The following CCT6A variants were observed in gnomAD, a reference collection of about 807,000 sequenced individuals.
CCT6A encodes T-complex protein 1 subunit zeta.
CCT6A carries 6 observed loss-of-function variants against 58.6 expected under a neutral mutation model. That is an observed-to-expected ratio of 0.10 (90% CI 0.06 to 0.20). The LOEUF (loss-of-function observed/expected upper bound fraction) is 0.20. Ranked by LOEUF, CCT6A falls within the 10% of genes least tolerant of loss-of-function variation. The pLI, the probability that CCT6A is intolerant of heterozygous loss-of-function variation, is 1.00. For synonymous variants in CCT6A, 245 were observed against 227.8 expected (o/e 1.08, Z -0.68); for missense variants, 516 against 648.8 (o/e 0.80, Z 2.22).
At chr7:56,057,305 TA>T (rs963426677) in intron 5 of CCT6A, among the ~76,000 whole-genome samples, 2 of 152,142 alleles carry the variant, frequency 1.3e-5, no homozygotes, top group African/African-American at 4.8e-5. Context: ...TAGAGGAATT[TA>T]AAAAAATATT....
intron 5 of CCT6A, among the ~76,000 whole-genome samples, chr7:56,056,824 T>G (rs1794318702): frequency 2.0e-5 from 3 of 150,680 alleles, no homozygotes; most frequent in Non-Finnish European, 4.4e-5. Flanking sequence ...AGATGGAGTC[T>G]TGCTCTGTCG....
In CCT6A at chr7:56,063,862, G is replaced by C. The variant is rs1034243389; in HGVS notation, c.*777G>C. 2 of 183,770 alleles carry C rather than the reference G, an allele frequency of 1.1e-5. No individual in the cohort carries two copies. Among genetic ancestry groups the C allele is most frequent in the African/African-American group, 4.7e-5 (2 of 42,526 alleles). The allele number at this position is 183,770 out of a possible 1,614,324, so 11.4% of individuals were successfully genotyped here. The stretch of plus-strand genomic sequence containing the variant: ...TCTCACCCAAATTACGTTTCCACGA[G>C]ATTATTTATATATAGTTGGTCTATC... On this transcript the variant is annotated 3_prime_UTR_variant, in exon 14 of 14. Transcript: ENST00000275603.
At chr7:56,053,915 C>T (rs867997766) in intron 2 of CCT6A, among the ~76,000 whole-genome samples, 3 of 152,338 alleles carry the variant, frequency 2.0e-5, no homozygotes, top group South Asian at 4.1e-4. Flanking sequence ...TCAGAAGTCT[C>T]GTCCCATTGG....
chr7:56,052,043 C>A, intron 1 of CCT6A, 58 bp downstream of exon 1: 3 of 1,351,090 alleles, frequency 2.2e-6, no homozygotes, highest in Admixed American at 4.0e-5. Flanking sequence ...GCGCTCCTGG[C>A]GGGCCCGGGA....
intron 6 of CCT6A, 84 bp downstream of exon 6, chr7:56,058,187 T>C: frequency 1.0e-6 from 1 of 957,080 alleles, no homozygotes; most frequent in Non-Finnish European, 1.6e-6. Flanking sequence ...TGTTTCCCAC[T>C]GTAAGGACAA....
At chr7:56,058,729 A>G (rs1794367713) in intron 8 of CCT6A, 27 bp downstream of exon 8, 1 of 1,317,444 alleles carries the variant, frequency 7.6e-7, no homozygotes, top group African/African-American at 1.5e-5. Context: ...ACTTTTACTC[A>G]TTTTGCAAGT....
At chr7:56,060,784 T>C (rs758132612) in intron 10 of CCT6A, 23 bp from the exon 11 acceptor site, 9 of 1,591,050 alleles carry the variant, frequency 5.7e-6, no homozygotes, top group Non-Finnish European at 7.7e-6. Flanking sequence ...TCTTAGCATT[T>C]TTCCTTTTCC....
At position 56,051,995 on chromosome 7, in the gene CCT6A, G is replaced by C; in HGVS notation, c.137+10G>C. 6.7e-7 allele frequency: 1 copy of C among 1,496,738 alleles called. No individual in the cohort carries two copies. Among genetic ancestry groups the C allele is most frequent in the South Asian group, 1.3e-5 (1 of 79,072 alleles). 92.7% of individuals were successfully genotyped at this position (1,496,738 alleles called of 1,614,324 possible). A position where few individuals can be genotyped will look rare whatever the true frequency, so the allele number is the denominator to read the frequency against. On this transcript the variant is annotated intron_variant, in intron 1 of 13. Transcript: ENST00000275603. ...AGGGCACCATGAAGATGTAAGGCGG[G>C]GCTGAACCGGAGGGCCGGGCGGGCA...
intron 2 of CCT6A, among the ~76,000 whole-genome samples, chr7:56,053,892 T>C (rs1794246336): frequency 6.6e-6 from 1 of 152,234 alleles, no homozygotes; most frequent in South Asian, 2.1e-4. Flanking sequence ...GCTAATAAAT[T>C]GTTGCTACCA....
intron 2 of CCT6A, among the ~76,000 whole-genome samples, chr7:56,053,453 C>T (rs1348796210): frequency 1.3e-5 from 2 of 152,070 alleles, no homozygotes; most frequent in Non-Finnish European, 2.9e-5. Flanking sequence ...TTAAACTTGA[C>T]TTCAGAATTG....
chr7:56,061,661 CTTTTTTCTTTTTTTTT>C (rs1439529478), intron 11 of CCT6A, 70 bp from the exon 12 acceptor site: 7 of 591,592 alleles, frequency 1.2e-5, no homozygotes, highest in Non-Finnish European at 1.9e-5. Context: ...TTTTCTTTTT[CTTTTTTCTTTTTTTTT>C]TTTTTTTTTT....
intron 1 of CCT6A, 122 bp downstream of exon 1, chr7:56,052,107 C>T: frequency 3.4e-6 from 3 of 873,648 alleles, no homozygotes; most frequent in Non-Finnish European, 4.7e-6. Flanking sequence ...TCTCGGCGTC[C>T]TCCGGGGTCG....
intron 4 of CCT6A, 153 bp downstream of exon 4, chr7:56,055,950 G>A: frequency 1.7e-6 from 1 of 582,516 alleles, no homozygotes; most frequent in Non-Finnish European, 2.9e-6. Flanking sequence ...CTCTAAAAAT[G>A]AGGAAATTAA....
intron 5 of CCT6A, among the ~76,000 whole-genome samples, 200 bp downstream of exon 5, chr7:56,056,614 C>A (rs1047657650): frequency 2.0e-5 from 3 of 151,536 alleles, no homozygotes; most frequent in African/African-American, 7.3e-5. Flanking sequence ...CCCAGCTACT[C>A]GGGAGGCTGA....
At chr7:56,058,323 T>G (rs1386869785) in intron 6 of CCT6A, 39 bp from the exon 7 acceptor site, 12 of 1,465,182 alleles carry the variant, frequency 8.2e-6, no homozygotes, top group Non-Finnish European at 9.2e-6. Flanking sequence ...GCTTTCTTAA[T>G]GTTTCCCTGC....
chr7:56,061,596 C>CA, intron 11 of CCT6A, 151 bp from the exon 12 acceptor site: 1 of 463,842 alleles, frequency 2.2e-6, no homozygotes. Flanking sequence ...ATCCACCTTC[C>CA]ACGGCCTCCC....
chr7:56,052,851 T>C (rs961201462), intron 2 of CCT6A, among the ~76,000 whole-genome samples: 1 of 151,202 alleles, frequency 6.6e-6, no homozygotes, highest in Non-Finnish European at 1.5e-5. Context: ...TGGAGTCCGG[T>C]GGCACAATCT....
chr7:56,054,388 C>G lies in CCT6A; in HGVS notation c.221C>G (p.Ala74Gly). 1.2e-6 allele frequency: 2 copies of G among 1,607,946 alleles called. No homozygotes were observed. The highest frequency in any genetic ancestry group is 1.7e-6 in the Non-Finnish European group (2 of 1,175,922). The change falls in exon 3 of 14, where the codon GCT becomes GGT. Residue 74 changes from alanine (A) to glycine (G), a missense_variant. Coordinates refer to ENST00000275603, the MANE Select transcript of CCT6A (RefSeq NM_001762.4). Reference sequence around the variant, plus strand: ...TTACAGCAAATTCAACACCCAACAGCTTCCTTAATAGCAAAGGTAGCAACA... The same window carrying G: ...TTACAGCAAATTCAACACCCAACAGGTTCCTTAATAGCAAAGGTAGCAACA... ...LHEMQIQHPT[A>G]SLIAKVATAQ...
intron 2 of CCT6A, among the ~76,000 whole-genome samples, chr7:56,052,729 A>G (rs1794177201): frequency 6.6e-6 from 1 of 152,112 alleles, no homozygotes; most frequent in Non-Finnish European, 1.5e-5. Context: ...AAAACTTGAA[A>G]AATTAAGAGA....
Sources: allele counts gnomAD v4.1 joint callset (sites outside exome capture counted in the v4.1 genomes callset), GRCh38; gene constraint gnomAD v4.1.1; transcripts MANE v1.5; gene names NCBI Gene and HGNC (gene_info 2026-07-23, HGNC 2026-07-21).